The following KANSL2 variants were observed in gnomAD, a reference collection of about 807,000 sequenced individuals.
KANSL2 encodes KAT8 regulatory NSL complex subunit 2.
KANSL2 carries 34 observed loss-of-function variants against 55.6 expected under a neutral mutation model. The ratio of observed to expected loss-of-function variants is 0.61; its 90% CI spans 0.46 to 0.81. The LOEUF is 0.81. Among genes scored for constraint, KANSL2 ranks in the 40% least tolerant of loss-of-function variants. The pLI is 0.00. For synonymous variants in KANSL2, 209 were observed against 214.3 expected (o/e 0.98, Z 0.22); for missense variants, 502 against 609.9 (o/e 0.82, Z 1.86).
intron 6 of KANSL2, among the ~76,000 whole-genome samples, chr12:48,668,315 A>G (rs1939640502): frequency 6.6e-6 from 1 of 152,216 alleles, no homozygotes; most frequent in Non-Finnish European, 1.5e-5. Context: ...ACTTTTCCCA[A>G]CTACTCAATA....
At chr12:48,664,760 T>A (rs1006286425) in intron 7 of KANSL2, among the ~76,000 whole-genome samples, 20 of 151,528 alleles carry the variant, frequency 1.3e-4, no homozygotes, top group African/African-American at 4.8e-4. Context: ...TTTTTTGTAT[T>A]TTTAGTAGAG....
At chr12:48,680,670 C>G (rs1401553467) in intron 2 of KANSL2, among the ~76,000 whole-genome samples, 1 of 152,100 alleles carries the variant, frequency 6.6e-6, no homozygotes, top group Non-Finnish European at 1.5e-5. Context: ...GAGCCACACA[C>G]CCCTCCATTA....
chr12:48,669,190 G>T lies in KANSL2; in HGVS notation c.792C>A (p.Tyr264Ter). 6.4e-7 allele frequency: 1 copy of T among 1,555,964 alleles called. No individual in the cohort carries two copies. The highest frequency in any genetic ancestry group is 2.4e-5 in the East Asian group (1 of 41,516). Residue 264 changes from tyrosine to a stop codon, truncating the protein, a stop_gained, in exon 6 of 10, where the codon TAC becomes TAA. Coordinates refer to ENST00000420613, the MANE Select transcript of KANSL2 (RefSeq NM_017822.4). LOFTEE classifies it high-confidence loss of function. ...AGGCTTCCACTCCATAGCGCTGGCG[G>T]TATCGTCGCAGACATTTTAATCGCT... ...NLKRLKCLRR[Y>*]RQRYGVEALL...
chr12:48,660,587 T>C lies in KANSL2; in HGVS notation c.1006A>G (p.Lys336Glu), dbSNP rs369490302. Residue 336 changes from lysine to glutamate, a missense_variant, in exon 8 of 10, where the codon AAG becomes GAG. Lys to Glu is a moderately conservative substitution (Grantham distance 56). Coordinates refer to ENST00000420613, the MANE Select transcript of KANSL2 (RefSeq NM_017822.4). ...ICQDTNQVLF[K>E]CCQGSEEVPC... ...ACCTCTTCAGATCCCTGGCAGCACT[T>C]GAAGAGAACCTGATTCGTATCCTGA... 3.3e-5 allele frequency: 53 copies of C among 1,613,212 alleles called. No individual in the cohort carries two copies. The highest frequency in any genetic ancestry group is 5.1e-6 in the Non-Finnish European group (6 of 1,179,624).
chr12:48,679,110 A>C lies in KANSL2; in HGVS notation c.471T>G (p.Thr157=). ...GGTCACCTCTCCATGTCTGATCCAC[A>C]GTAATGGGTTCCTGCTCCCCATCAC... ...SWSDGEQEPI[T]VDQTWRGDPD... The change falls in exon 4 of 10, where the codon ACT becomes ACG. Residue 157 remains threonine, a synonymous_variant. Coordinates refer to ENST00000420613, the MANE Select transcript of KANSL2 (RefSeq NM_017822.4). 6.2e-7 allele frequency: 1 copy of C among 1,613,984 alleles called. No individual in the cohort carries two copies. The highest frequency in any genetic ancestry group is 2.2e-5 in the East Asian group (1 of 44,878).
chr12:48,672,393 G>GTATATATATATATACGTATATATATATA (rs1422470428), intron 4 of KANSL2, among the ~76,000 whole-genome samples: 2 of 121,366 alleles, frequency 1.6e-5, no homozygotes, highest in Non-Finnish European at 3.3e-5. Flanking sequence ...ATATATACAT[G>GTATATATATATATACGTATATATATATA]TATATATATA....
intron 7 of KANSL2, among the ~76,000 whole-genome samples, 171 bp from the exon 8 acceptor site, chr12:48,660,790 A>G (rs1393930167): frequency 4.6e-5 from 7 of 152,214 alleles, no homozygotes; most frequent in Non-Finnish European, 1.0e-4. Flanking sequence ...ACTTCTCAAA[A>G]TAAATGTCAT....
intron 7 of KANSL2, among the ~76,000 whole-genome samples, chr12:48,664,035 C>T (rs1939541564): frequency 6.6e-6 from 1 of 151,172 alleles, no homozygotes; most frequent in African/African-American, 2.4e-5. Flanking sequence ...CTGCCTCAGC[C>T]TCCCGAGTAG....
intron 6 of KANSL2, among the ~76,000 whole-genome samples, chr12:48,668,528 C>T (rs1299816371): frequency 3.9e-5 from 6 of 152,086 alleles, no homozygotes; most frequent in Non-Finnish European, 8.8e-5. Flanking sequence ...GGAGAAACCC[C>T]GTCTCTACTA....
rs145052766 is a variant in KANSL2 at position 48,653,338 on chromosome 12, C to T, written c.*706G>A. 0.016 allele frequency: 2,491 copies of T among 152,720 alleles called. 29 individuals carry two copies. The highest frequency in any genetic ancestry group is 0.024 in the Non-Finnish European group (1,626 of 68,030). 9.5% of individuals were successfully genotyped at this position (152,720 alleles called of 1,614,324 possible). A position where few individuals can be genotyped will look rare whatever the true frequency, so the allele number is the denominator to read the frequency against. On this transcript the variant is annotated 3_prime_UTR_variant, in exon 10 of 10. Coordinates refer to ENST00000420613, the MANE Select transcript of KANSL2 (RefSeq NM_017822.4). ...TGGAAGTATCATCTGTCCCAACTTCCCTTTCCCATCAGAGACAGGTCCCCA... is the reference window on the plus strand; with the variant it reads ...TGGAAGTATCATCTGTCCCAACTTCTCTTTCCCATCAGAGACAGGTCCCCA...
intron 8 of KANSL2, among the ~76,000 whole-genome samples, chr12:48,657,469 T>A (rs931847255): frequency 7.2e-5 from 11 of 151,982 alleles, no homozygotes; most frequent in African/African-American, 2.7e-4. Context: ...AGCAGAAACA[T>A]AGGGCACAGG....
intron 7 of KANSL2, among the ~76,000 whole-genome samples, chr12:48,663,459 A>G (rs953374599): frequency 2.0e-5 from 3 of 152,120 alleles, no homozygotes; most frequent in South Asian, 2.1e-4. Context: ...CTTATTTCCT[A>G]TTTACAGTTG....
chr12:48,670,942 T>C (rs1939701034), intron 5 of KANSL2, among the ~76,000 whole-genome samples: 1 of 149,934 alleles, frequency 6.7e-6, no homozygotes, highest in South Asian at 2.1e-4. Flanking sequence ...CTGGCCTCAG[T>C]GACACAGCAA....
chr12:48,664,879 CT>C (rs367566566), intron 7 of KANSL2, among the ~76,000 whole-genome samples: 957 of 94,650 alleles, frequency 0.01, 16 homozygotes, highest in African/African-American at 0.037. Flanking sequence ...ACTGCGCCCG[CT>C]TTTTTTTTTT....
chr12:48,680,389 A>C (rs1417157744), intron 2 of KANSL2, among the ~76,000 whole-genome samples: 1 of 152,018 alleles, frequency 6.6e-6, no homozygotes, highest in African/African-American at 2.4e-5. Flanking sequence ...ACGGGGTCTC[A>C]CTGTATTGCC....
chr12:48,682,179 C>T lies in KANSL2; in HGVS notation c.-10+8G>A, dbSNP rs1939943217. The T allele has an allele frequency of 1.4e-6, 1 of 693,292 alleles. No homozygotes were observed. Among genetic ancestry groups the T allele is most frequent in the Admixed American group, 2.0e-5 (1 of 48,998 alleles). 42.9% of individuals were successfully genotyped at this position (693,292 alleles called of 1,614,324 possible). A position where few individuals can be genotyped will look rare whatever the true frequency, so the allele number is the denominator to read the frequency against. On this transcript the variant is annotated splice_region_variant and intron_variant, in intron 1 of 9. Coordinates refer to ENST00000420613, the MANE Select transcript of KANSL2 (RefSeq NM_017822.4). ...AAGAGCTTAGAGGAAAGAGCACCGC[C>T]ATCTTACCTCAGGAGCTGCGCTGCG...
chr12:48,675,024 AAAAT>A (rs972948663), intron 4 of KANSL2, among the ~76,000 whole-genome samples: 35 of 138,058 alleles, frequency 2.5e-4, no homozygotes, highest in Admixed American at 1.5e-3. Context: ...AAAAATAAAT[AAAAT>A]AAAATAAAAC....
Position 48,655,051 on chromosome 12 carries a change from C to T in KANSL2, c.1237G>A (p.Val413Ile). The change falls in exon 9 of 10, where the codon GTT (valine) becomes ATT (isoleucine). Residue 413 changes from valine (V) to isoleucine (I), a missense_variant. By Grantham distance (29) the Val-to-Ile change is conservative. Coordinates refer to ENST00000420613, the MANE Select transcript of KANSL2 (RefSeq NM_017822.4). ...GGACACTGCATACCATCACCCACAA[C>T]ATCCAAGTCCTAGAAAAAAGAGAAA... ...LPLEFSDDLD[V>I]VGDGMQCPPS... 6.3e-7 allele frequency: 1 copy of T among 1,576,234 alleles called. No individual in the cohort carries two copies. Among genetic ancestry groups the T allele is most frequent in the Non-Finnish European group, 8.6e-7 (1 of 1,160,724 alleles).
Position 48,681,365 on chromosome 12 carries a change from T to C in KANSL2, c.251+17A>G, listed in dbSNP as rs368444772. 37 of 1,595,404 alleles carry C rather than the reference T, an allele frequency of 2.3e-5. No individual in the cohort carries two copies. Among genetic ancestry groups the C allele is most frequent in the Non-Finnish European group, 2.9e-5 (34 of 1,171,042 alleles). On this transcript the variant is annotated intron_variant, in intron 2 of 9. Coordinates refer to ENST00000420613, the MANE Select transcript of KANSL2 (RefSeq NM_017822.4). ...CTCGCTTTAAGAAAAACGACATATA[T>C]ATCTATACATATATACCCATCTTTC...
Sources: allele counts gnomAD v4.1 joint callset (sites outside exome capture counted in the v4.1 genomes callset), GRCh38; gene constraint gnomAD v4.1.1; transcripts MANE v1.5; gene names NCBI Gene and HGNC (gene_info 2026-07-23, HGNC 2026-07-21).